Variants in VPS37A observed in about 807,000 individuals in gnomAD.
VPS37A encodes vacuolar protein sorting-associated protein 37A.
In VPS37A, 30 loss-of-function variants were observed where a neutral mutation model predicts 49.8. The ratio of observed to expected loss-of-function variants is 0.60; its 90% CI spans 0.45 to 0.82. VPS37A has a LOEUF of 0.82. Among genes scored for constraint, VPS37A ranks in the 40% least tolerant of loss-of-function variants. The pLI is 0.00. For synonymous variants in VPS37A, 195 were observed against 160.6 expected, an observed-to-expected ratio of 1.21 and a Z score of -1.62; for missense variants, 593 against 464.4, an observed-to-expected ratio of 1.28 and a Z score of -2.55.
chr8:17,271,351 A>G (rs1037048455), intron 4 of VPS37A, among the ~76,000 whole-genome samples: 21 of 152,190 alleles, frequency 1.4e-4, no homozygotes, highest in Non-Finnish European at 4.4e-5. Flanking sequence ...CACGCCTGTA[A>G]TCCCAGCACT....
chr8:17,287,396 C>T (rs971617195), intron 11 of VPS37A, among the ~76,000 whole-genome samples: 10 of 151,934 alleles, frequency 6.6e-5, no homozygotes, highest in African/African-American at 1.4e-4. Flanking sequence ...TTTTTCTGGC[C>T]GAGCGCAGTG....
intron 1 of VPS37A, among the ~76,000 whole-genome samples, chr8:17,256,956 C>A (rs1182618409): frequency 6.6e-6 from 1 of 152,136 alleles, no homozygotes; most frequent in Non-Finnish European, 1.5e-5. Context: ...TCTGTTTCTG[C>A]TTTAGATGCC....
downstream of VPS37A, chr8:17,300,326 G>A: frequency 7.9e-7 from 1 of 1,260,130 alleles, no homozygotes. Flanking sequence ...TGGGTATAAT[G>A]TTAAGAACAT....
rs751862716 is a variant in VPS37A, at chr8:17,268,276, T to C, written c.219T>C (p.Phe73=). ...CTACCAGATTGCTTCCTCCACAGTT[T>C]CCTCAGGAAAAACCAGTGATCAGTG... ...ININILLPPQ[F]PQEKPVISVY... is the part of the protein sequence containing the mutation. Residue 73 remains phenylalanine (F), a synonymous_variant, in exon 3 of 12, where the codon TTT becomes TTC. Transcript: ENST00000324849. 5.0e-6 allele frequency: 8 copies of C among 1,612,440 alleles called. No homozygotes were observed. In the African/African-American group the frequency reaches 6.7e-5, roughly 13 times the overall value.
downstream of VPS37A, chr8:17,301,637 C>G (rs1422577412): frequency 3.9e-5 from 6 of 153,760 alleles, no homozygotes; most frequent in Admixed American, 3.3e-4. Flanking sequence ...ACATTAGTAC[C>G]ATTGGAAACA....
chr8:17,247,414 AG>A, intron 1 of VPS37A, 45 bp downstream of exon 1: 1 of 65,278 alleles, frequency 1.5e-5, no homozygotes, highest in Non-Finnish European at 3.0e-5. Flanking sequence ...GTAGGGTGGG[AG>A]GGCGGGCTTG....
At chr8:17,255,298 T>G (rs879880016) in intron 1 of VPS37A, among the ~76,000 whole-genome samples, 1 of 152,024 alleles carries the variant, frequency 6.6e-6, no homozygotes, top group Non-Finnish European at 1.5e-5. Context: ...CTGGCCAACA[T>G]GGTGAAACCC....
intron 1 of VPS37A, among the ~76,000 whole-genome samples, chr8:17,259,762 G>A (rs1405941111): frequency 6.6e-6 from 1 of 152,046 alleles, no homozygotes; most frequent in East Asian, 1.9e-4. Context: ...GGTTTTGGGT[G>A]CATAGATATT....
At chr8:17,298,921 A>C (rs1187605997), downstream of VPS37A, 1 of 152,220 alleles carries the variant, frequency 6.6e-6, no homozygotes, top group Non-Finnish European at 1.5e-5. Flanking sequence ...ATGATAGATT[A>C]CAAAACCTAT....
At chr8:17,258,911 G>C (rs1585943014) in intron 1 of VPS37A, among the ~76,000 whole-genome samples, 1 of 151,878 alleles carries the variant, frequency 6.6e-6, no homozygotes, top group African/African-American at 2.4e-5. Flanking sequence ...ATTCATAGTG[G>C]TGCCTAATGA....
downstream of VPS37A, among the ~76,000 whole-genome samples, chr8:17,304,939 G>C (rs1159023041): frequency 6.6e-6 from 1 of 152,094 alleles, no homozygotes; most frequent in African/African-American, 2.4e-5. Flanking sequence ...GAGAATAAGT[G>C]GTTTCCCAAA....
At chr8:17,285,503 A>G (rs1308606260) in intron 10 of VPS37A, among the ~76,000 whole-genome samples, 1 of 152,232 alleles carries the variant, frequency 6.6e-6, no homozygotes, top group Admixed American at 6.5e-5. Context: ...CAAAATATTT[A>G]CCTAATTTGT....
At chr8:17,287,217 T>A (rs924793613) in intron 11 of VPS37A, among the ~76,000 whole-genome samples, 3 of 152,120 alleles carry the variant, frequency 2.0e-5, no homozygotes, top group African/African-American at 7.2e-5. Context: ...AGTAAAAGCT[T>A]ATGTTATTTG....
At chr8:17,321,270 G>C in the VPS37A span, among the ~76,000 whole-genome samples, 13 of 152,326 alleles carry the variant, frequency 8.5e-5, no homozygotes, top group African/African-American at 3.1e-4. Flanking sequence ...ATGGCCACAG[G>C]ACCAGGCCCT....
chr8:17,266,730 A>G (rs1024757574), intron 2 of VPS37A, among the ~76,000 whole-genome samples: 1 of 152,192 alleles, frequency 6.6e-6, no homozygotes. Flanking sequence ...GAATTAAAGC[A>G]TGAATATATA....
At chr8:17,287,765 C>CA (rs1456234380) in intron 11 of VPS37A, among the ~76,000 whole-genome samples, 1 of 152,104 alleles carries the variant, frequency 6.6e-6, no homozygotes, top group Non-Finnish European at 1.5e-5. Context: ...TGGAGATAAA[C>CA]AAGAGTCCCT....
At chr8:17,329,600 T>C in the VPS37A span, among the ~76,000 whole-genome samples, 1 of 152,210 alleles carries the variant, frequency 6.6e-6, no homozygotes, top group Non-Finnish European at 1.5e-5. Context: ...CAAAGAAGAA[T>C]ATTTATGTTC....
At chr8:17,265,248 A>G (rs1813337337) in intron 1 of VPS37A, among the ~76,000 whole-genome samples, 2 of 152,158 alleles carry the variant, frequency 1.3e-5, no homozygotes, top group African/African-American at 2.4e-5. Flanking sequence ...GGCTCATATC[A>G]GTTGTCTATT....
chr8:17,310,041 C>T, the VPS37A span, among the ~76,000 whole-genome samples: 1 of 152,126 alleles, frequency 6.6e-6, no homozygotes, highest in African/African-American at 2.4e-5. Flanking sequence ...CACTCAGCCA[C>T]GTAGGCTGGA....
Sources: allele counts gnomAD v4.1 joint callset (sites outside exome capture counted in the v4.1 genomes callset), GRCh38; gene constraint gnomAD v4.1.1; transcripts MANE v1.5; gene names NCBI Gene and HGNC (gene_info 2026-07-23, HGNC 2026-07-21).